Variants in RAB11FIP3 observed in about 807,000 individuals in gnomAD.
RAB11FIP3 encodes RAB11 family interacting protein 3.
A neutral mutation model predicts 77.8 loss-of-function variants in RAB11FIP3; 17 were observed. The observed-to-expected ratio is 0.22, with a 90% confidence interval of 0.15 to 0.33. The LOEUF is 0.33. Ranked by LOEUF, RAB11FIP3 falls within the 10% of genes least tolerant of loss-of-function variation. The pLI is 1.00. For missense variants in RAB11FIP3, 1,005 were observed against 1,011.2 expected (o/e 0.99, Z 0.08); for synonymous variants, 437 against 448.2 (o/e 0.98, Z 0.31).
intron 1 of RAB11FIP3, among the ~76,000 whole-genome samples, chr16:456,448 A>G (rs1022536961): frequency 2.7e-5 from 4 of 149,220 alleles, no homozygotes; most frequent in Admixed American, 1.3e-4. Context: ...TCAAAAAAAA[A>G]AAAAGAAAAA....
In RAB11FIP3 at chr16:472,263, C is replaced by T. The variant is rs532734349; in HGVS notation, c.903+874C>T. Among the ~76,000 whole-genome samples the T allele has an allele frequency of 6.6e-5, 10 of 152,344 alleles. No individual in the cohort carries two copies. The South Asian group carries it at 2.1e-3, about 32-fold the overall frequency. On this transcript the variant is annotated intron_variant, in intron 3 of 13. Transcript: ENST00000262305. This position sits in a 1 kb window ranked among gnomAD's most constrained non-coding sequence, Gnocchi z 4.1. ...CTGCCCCAGGGATTAGTCACCCTCA[C>T]CCTTGGGTGGGCAGCTTAACTTCTG...
At chr16:503,832 A>G (rs2031662232) in intron 7 of RAB11FIP3, among the ~76,000 whole-genome samples, 1 of 151,756 alleles carries the variant, frequency 6.6e-6, no homozygotes, top group Non-Finnish European at 1.5e-5. Flanking sequence ...GTGAGCCGAG[A>G]TTGCACGACT....
chr16:448,185 C>T (rs572710639), intron 1 of RAB11FIP3, among the ~76,000 whole-genome samples: 98 of 150,960 alleles, frequency 6.5e-4, no homozygotes, highest in African/African-American at 2.2e-3. Context: ...AGCGTGGTGG[C>T]GCGCATCTGT....
At chr16:452,566 T>G (rs1373950553) in intron 1 of RAB11FIP3, 2 of 148,596 alleles carry the variant, frequency 1.3e-5, no homozygotes, top group Non-Finnish European at 3.0e-5. Flanking sequence ...TCCCGAGTAG[T>G]TGGGACTACA....
At position 507,056 on chromosome 16, in the gene RAB11FIP3, C is replaced by T. The variant is rs113123409; in HGVS notation, c.1499+1429C>T. ...CTCCACCTCCCAGGCTCAAGCGACC[C>T]GCCTCCCTCAGCCTTCGATGTAGCT... On this transcript the variant is annotated intron_variant, in intron 8 of 13. Coordinates refer to ENST00000262305, the MANE Select transcript of RAB11FIP3 (RefSeq NM_014700.4). The surrounding 1 kb of genome is among the most constrained non-coding windows in gnomAD (Gnocchi z 4.6). Among the ~76,000 whole-genome samples, 889 of 152,192 alleles carry T rather than the reference C, an allele frequency of 5.8e-3. 6 individuals are homozygous for T. The highest frequency in any genetic ancestry group is 8.1e-3 in the Non-Finnish European group (552 of 68,016).
chr16:492,388 A>AGATCCGAGGCCGCCCAGG (rs1567391932), intron 5 of RAB11FIP3, among the ~76,000 whole-genome samples: 6 of 39,504 alleles, frequency 1.5e-4, no homozygotes, highest in Non-Finnish European at 3.0e-4. Flanking sequence ...GGCCGCCCAG[A>AGATCCGAGGCCGCCCAGG]GCCCTCCCCG....
chr16:491,206 C>T (rs1366353896), intron 5 of RAB11FIP3: 1 of 1,304,840 alleles, frequency 7.7e-7, no homozygotes, highest in East Asian at 5.5e-5. Flanking sequence ...GTAGCCAGTG[C>T]CACAAACAAA....
chr16:496,694 G>C, intron 5 of RAB11FIP3, 130 bp from the exon 6 acceptor site: 2 of 853,070 alleles, frequency 2.3e-6, no homozygotes, highest in Non-Finnish European at 3.9e-6. Flanking sequence ...CTTGCCTGGG[G>C]GGCCCTGCAT....
At chr16:476,792 A>C (rs1010732288) in intron 3 of RAB11FIP3, among the ~76,000 whole-genome samples, 3 of 149,318 alleles carry the variant, frequency 2.0e-5, no homozygotes, top group African/African-American at 7.4e-5. Flanking sequence ...AAAAAAAAAA[A>C]GAAAGAAAAA....
intron 1 of RAB11FIP3, among the ~76,000 whole-genome samples, chr16:446,461 T>G (rs986361176): frequency 1.3e-5 from 2 of 152,286 alleles, no homozygotes; most frequent in Non-Finnish European, 2.9e-5. Flanking sequence ...CAGGCTGTCT[T>G]CCAGGTGGCC....
Position 454,253 on chromosome 16 carries a change from T to C in RAB11FIP3, c.715-7151T>C, listed in dbSNP as rs575114423. Among the ~76,000 whole-genome samples, 85 of 152,248 alleles carry C rather than the reference T, an allele frequency of 5.6e-4. 1 individual carries two copies. In the South Asian group the frequency reaches 0.017, roughly 30 times the overall value. Reference sequence around the variant, plus strand: ...CCCCCTATAAAGTTGCTTGCTATAGTAGTTGGTGCAAAGCTGACTAAATGG... The same window carrying C: ...CCCCCTATAAAGTTGCTTGCTATAGCAGTTGGTGCAAAGCTGACTAAATGG... On this transcript the variant is annotated intron_variant, in intron 1 of 13. Coordinates refer to ENST00000262305, the MANE Select transcript of RAB11FIP3 (RefSeq NM_014700.4).
chr16:511,679 G>C, intron 9 of RAB11FIP3, among the ~76,000 whole-genome samples: 1 of 116,710 alleles, frequency 8.6e-6, no homozygotes, highest in Non-Finnish European at 1.7e-5. Flanking sequence ...CCAGGCAGGA[G>C]AGGTTCCCGA....
At position 488,847 on chromosome 16, in the gene RAB11FIP3, G is replaced by T. The variant is rs570846363; in HGVS notation, c.1116-4G>T. Reference sequence around the variant, plus strand: ...GAAGACATCATTTCTGTTTTACTTTGCAGGCCTCACCCCCATGGCCAGTCT... The same window carrying T: ...GAAGACATCATTTCTGTTTTACTTTTCAGGCCTCACCCCCATGGCCAGTCT... On this transcript the variant is annotated splice_region_variant and splice_polypyrimidine_tract_variant and intron_variant, in intron 4 of 13. Transcript: ENST00000262305. 6.2e-7 allele frequency: 1 copy of T among 1,612,942 alleles called. No homozygotes were observed. Among genetic ancestry groups the T allele is most frequent in the Non-Finnish European group, 8.5e-7 (1 of 1,179,454 alleles).
intron 2 of RAB11FIP3, among the ~76,000 whole-genome samples, chr16:466,368 C>T (rs1464637370): frequency 1.3e-5 from 2 of 152,188 alleles, no homozygotes; most frequent in Admixed American, 1.3e-4. Flanking sequence ...CCTGGGTCCA[C>T]GATTCTGTCG....
At chr16:510,063 G>T (rs921726414) in intron 8 of RAB11FIP3, among the ~76,000 whole-genome samples, 40 of 148,200 alleles carry the variant, frequency 2.7e-4, no homozygotes, top group African/African-American at 9.8e-4. Context: ...CTGAGCGCAC[G>T]CGTTGTGTGT....
In RAB11FIP3 at chr16:475,119, G is replaced by A. The variant is rs555452109; in HGVS notation, c.903+3730G>A. 5.2e-6 allele frequency: 8 copies of A among 1,545,046 alleles called. No homozygotes were observed. The South Asian group carries it at 9.6e-5, about 18-fold the overall frequency. On this transcript the variant is annotated intron_variant, in intron 3 of 13. Transcript: ENST00000262305. ...TGAGGGTAAGAGGAGGCAGTAGTGTGCACTGTGCCCAGTATTCCTATTTCT... is the reference window on the plus strand; with the variant it reads ...TGAGGGTAAGAGGAGGCAGTAGTGTACACTGTGCCCAGTATTCCTATTTCT...
chr16:487,373 C>G (rs1479905147), intron 4 of RAB11FIP3, among the ~76,000 whole-genome samples: 1 of 152,120 alleles, frequency 6.6e-6, no homozygotes, highest in South Asian at 2.1e-4. Context: ...CTGCCCGCCT[C>G]GGCCTCCCAA....
intron 3 of RAB11FIP3, chr16:475,009 T>C: frequency 1.3e-6 from 2 of 1,551,688 alleles, no homozygotes; most frequent in Non-Finnish European, 1.7e-6. Flanking sequence ...GGAGACACGA[T>C]GGGGAGCCGG....
At chr16:487,181 A>G (rs1304956378) in intron 4 of RAB11FIP3, among the ~76,000 whole-genome samples, 1 of 143,334 alleles carries the variant, frequency 7.0e-6, no homozygotes, top group East Asian at 2.1e-4. Context: ...CCCAGGCTGG[A>G]GTGCAGTGGC....
Sources: allele counts gnomAD v4.1 joint callset (sites outside exome capture counted in the v4.1 genomes callset), GRCh38; gene constraint gnomAD v4.1.1; non-coding constraint Gnocchi (gnomAD v3.1); transcripts MANE v1.5; gene names NCBI Gene and HGNC (gene_info 2026-07-23, HGNC 2026-07-21).